Variants in NMNAT2 observed in about 807,000 individuals in gnomAD.
NMNAT2 encodes the protein nicotinamide nucleotide adenylyltransferase 2, also known as nicotinamide/nicotinic acid mononucleotide adenylyltransferase 2.
NMNAT2 carries 11 observed loss-of-function variants against 41.6 expected under a neutral mutation model. The observed-to-expected ratio is 0.26, with a 90% CI of 0.17 to 0.44. The LOEUF (loss-of-function observed/expected upper bound fraction) is 0.44, where lower values mean the gene tolerates loss of function less well. Among genes scored for constraint, NMNAT2 ranks in the 20% least tolerant of loss-of-function variants. The pLI is 1.00. For synonymous variants in NMNAT2, 148 were observed against 151.2 expected (o/e 0.98, Z 0.16); for missense variants, 288 against 407.7 (o/e 0.71, Z 2.53).
At position 183,364,655 on chromosome 1, in the gene NMNAT2, A is replaced by ATTTATTTCTTTCTTTCTTTCTTTC. The variant is rs897968005; in HGVS notation, c.85+53527_85+53528insGAAAGAAAGAAAGAAAGAAATAAA. ...GATAAATTCAAGCAAGGGGAGGATGATTTCTTTCTTTCTTACTTTCTTTCT... is the reference window on the plus strand; with the variant it reads ...GATAAATTCAAGCAAGGGGAGGATGATTTATTTCTTTCTTTCTTTCTTTCTTTCTTTCTTTCTTACTTTCTTTCT... On this transcript the variant is annotated intron_variant, in intron 1 of 10. Transcript: ENST00000287713. Among the ~76,000 whole-genome samples the ATTTATTTCTTTCTTTCTTTCTTTC allele has an allele frequency of 2.4e-4, 34 of 143,090 alleles. 1 individual carries two copies. The highest frequency in any genetic ancestry group is 1.8e-3 in the Admixed American group (25 of 14,240). 93.9% of individuals were successfully genotyped at this position (143,090 alleles called of 152,430 possible). A position where few individuals can be genotyped will look rare whatever the true frequency, so the allele number is the denominator to read the frequency against.
chr1:183,326,019 C>T (rs1225776043), intron 1 of NMNAT2, among the ~76,000 whole-genome samples: 1 of 152,050 alleles, frequency 6.6e-6, no homozygotes, highest in Non-Finnish European at 1.5e-5. Flanking sequence ...CACACATATA[C>T]ATGTGAATCA....
chr1:183,276,321 G>A (rs1357457047), intron 8 of NMNAT2, among the ~76,000 whole-genome samples: 1 of 152,178 alleles, frequency 6.6e-6, no homozygotes, highest in African/African-American at 2.4e-5. Flanking sequence ...CAGATTTTCT[G>A]TCTTAACCAA....
At chr1:183,377,924 A>C (rs1235201389) in intron 1 of NMNAT2, among the ~76,000 whole-genome samples, 1 of 152,222 alleles carries the variant, frequency 6.6e-6, no homozygotes, top group Non-Finnish European at 1.5e-5. Context: ...AGAAAGAATC[A>C]AATGAAAATA....
At chr1:183,342,022 C>CG (rs34777319) in intron 1 of NMNAT2, among the ~76,000 whole-genome samples, 13 of 132,550 alleles carry the variant, frequency 9.8e-5, no homozygotes, top group African/African-American at 3.6e-4. Flanking sequence ...CCTTCCTCAC[C>CG]TTTTTTTTTT....
At chr1:183,278,442 A>G (rs1661182244) in intron 8 of NMNAT2, 111 bp downstream of exon 8, 1 of 699,442 alleles carries the variant, frequency 1.4e-6, no homozygotes, top group Non-Finnish European at 2.6e-6. Context: ...ATGTGAACGG[A>G]CTGCCCTCTT....
chr1:183,304,911 C>A, intron 1 of NMNAT2: 1 of 1,421,678 alleles, frequency 7.0e-7, no homozygotes, highest in Non-Finnish European at 9.3e-7. Flanking sequence ...GATTTATGAC[C>A]CTCCCTTCCA....
At position 183,289,270 on chromosome 1, in the gene NMNAT2, T is replaced by C. The variant is rs370951664; in HGVS notation, c.321+858A>G. Reference sequence around the variant, plus strand: ...CCGTGGAGGCGAGCAGAATTGACTGTTTGCTGTCTTGGTTGGTCAGGCTTC... The same window carrying C: ...CCGTGGAGGCGAGCAGAATTGACTGCTTGCTGTCTTGGTTGGTCAGGCTTC... On this transcript the variant is annotated intron_variant, in intron 4 of 10. Transcript: ENST00000287713. Among the ~76,000 whole-genome samples the C allele has an allele frequency of 5.2e-4, 79 of 152,284 alleles. 2 individuals carry two copies. The East Asian group carries it at 8.3e-3, about 16-fold the overall frequency.
intron 1 of NMNAT2, among the ~76,000 whole-genome samples, chr1:183,334,052 G>T (rs1265922817): frequency 6.6e-6 from 1 of 152,184 alleles, no homozygotes; most frequent in Admixed American, 6.5e-5. Flanking sequence ...AAATGTGCAC[G>T]ATGCCTCTTC....
chr1:183,301,893 T>TC (rs1185206963), intron 1 of NMNAT2, among the ~76,000 whole-genome samples: 1 of 152,174 alleles, frequency 6.6e-6, no homozygotes, highest in East Asian at 1.9e-4. Context: ...CAACACTAAC[T>TC]CCATTTTTCC....
At chr1:183,408,693 C>T (rs964278072) in intron 1 of NMNAT2, among the ~76,000 whole-genome samples, 15 of 152,210 alleles carry the variant, frequency 9.9e-5, no homozygotes, top group Non-Finnish European at 1.3e-4. Flanking sequence ...CTGTTAACAG[C>T]AAGAGAACCT....
rs191148059 is a variant in NMNAT2 at position 183,366,272 on chromosome 1, T to C, written c.85+51911A>G. Among the ~76,000 whole-genome samples the C allele has an allele frequency of 3.9e-5, 6 of 152,326 alleles. No individual in the cohort carries two copies. In the East Asian group the frequency reaches 9.6e-4, roughly 24 times the overall value. On this transcript the variant is annotated intron_variant, in intron 1 of 10. Coordinates refer to ENST00000287713, the MANE Select transcript of NMNAT2 (RefSeq NM_015039.4). Reference sequence around the variant, plus strand: ...AAGCTATACACCTTGGGCAAATCACTTCACCTCTGTGCCTCATTTTCTTCC... The same window carrying C: ...AAGCTATACACCTTGGGCAAATCACCTCACCTCTGTGCCTCATTTTCTTCC...
intron 1 of NMNAT2, among the ~76,000 whole-genome samples, chr1:183,365,280 G>A (rs1161105079): frequency 3.9e-5 from 6 of 152,036 alleles, no homozygotes; most frequent in Admixed American, 2.6e-4. Flanking sequence ...GAGAACCACA[G>A]AACGGTGGCA....
chr1:183,403,440 ACCC>A (rs35578924), intron 1 of NMNAT2, among the ~76,000 whole-genome samples: 2 of 132,682 alleles, frequency 1.5e-5, no homozygotes, highest in Admixed American at 7.7e-5. Context: ...AAGAGGAACA[ACCC>A]CCCCCCCCAA....
At chr1:183,308,862 A>C (rs1013816991) in intron 1 of NMNAT2, among the ~76,000 whole-genome samples, 58 of 152,318 alleles carry the variant, frequency 3.8e-4, no homozygotes, top group Middle Eastern at 3.4e-3. Context: ...AAAGTGCTGC[A>C]GAGAGAGGGA....
intron 1 of NMNAT2, among the ~76,000 whole-genome samples, chr1:183,372,848 A>C (rs1433650421): frequency 6.6e-6 from 1 of 152,244 alleles, no homozygotes; most frequent in Non-Finnish European, 1.5e-5. Flanking sequence ...CCATGTGTGC[A>C]GGTCAGCCTG....
chr1:183,294,444 A>G (rs1461023175), intron 1 of NMNAT2, among the ~76,000 whole-genome samples: 1 of 152,222 alleles, frequency 6.6e-6, no homozygotes, highest in African/African-American at 2.4e-5. Context: ...TCGGCAAACA[A>G]GGAAGGGACT....
chr1:183,331,319 C>T (rs1662578818), intron 1 of NMNAT2, among the ~76,000 whole-genome samples: 1 of 152,172 alleles, frequency 6.6e-6, no homozygotes, highest in Non-Finnish European at 1.5e-5. Flanking sequence ...TTTCAGCTCA[C>T]AGCTGGGGAC....
intron 1 of NMNAT2, among the ~76,000 whole-genome samples, chr1:183,412,546 T>C (rs909804445): frequency 1.3e-5 from 2 of 152,208 alleles, no homozygotes; most frequent in African/African-American, 4.8e-5. Flanking sequence ...TGATAATTTG[T>C]TAAGAAATGA....
At chr1:183,292,713 G>T in intron 3 of NMNAT2, 77 bp downstream of exon 3, 1 of 1,337,848 alleles carries the variant, frequency 7.5e-7, no homozygotes, top group Non-Finnish European at 1.1e-6. Context: ...ATTACTGCTG[G>T]AACTCTTCTT....
Sources: allele counts gnomAD v4.1 joint callset (sites outside exome capture counted in the v4.1 genomes callset), GRCh38; gene constraint gnomAD v4.1.1; transcripts MANE v1.5; gene names NCBI Gene and HGNC (gene_info 2026-07-23, HGNC 2026-07-21).